Variants in GRM3 observed in about 807,000 individuals in gnomAD.
GRM3 encodes the protein metabotropic glutamate receptor 3.
A neutral mutation model predicts 70.5 loss-of-function variants in GRM3; 26 were observed. The ratio of observed to expected loss-of-function variants is 0.37; its 90% confidence interval spans 0.27 to 0.51. GRM3 has a LOEUF of 0.51. Ranked by LOEUF, GRM3 falls within the 20% of genes least tolerant of loss-of-function variation. GRM3 has a pLI of 0.93. For missense variants in GRM3, 859 were observed against 1,123.8 expected (o/e 0.76, Z 3.37); for synonymous variants, 443 against 434.9 (o/e 1.02, Z -0.23).
intron 1 of GRM3, among the ~76,000 whole-genome samples, chr7:86,729,355 TG>T (rs1321252731): frequency 1.3e-5 from 2 of 152,226 alleles, no homozygotes; most frequent in Non-Finnish European, 2.9e-5. Context: ...GAATAGTGTC[TG>T]GTGTATAACG....
chr7:86,739,087 C>T (rs1445623919), intron 1 of GRM3, among the ~76,000 whole-genome samples: 4 of 152,184 alleles, frequency 2.6e-5, no homozygotes, highest in African/African-American at 4.8e-5. Flanking sequence ...AAGCAATTCT[C>T]CTGCCTCAGT....
chr7:86,672,692 T>C (rs1171857624), intron 1 of GRM3, among the ~76,000 whole-genome samples: 1 of 152,142 alleles, frequency 6.6e-6, no homozygotes, highest in Non-Finnish European at 1.5e-5. Context: ...CAGTGGTAGA[T>C]GCAACTAGCT....
At chr7:86,741,192 T>G (rs889755519) in intron 1 of GRM3, among the ~76,000 whole-genome samples, 1 of 152,158 alleles carries the variant, frequency 6.6e-6, no homozygotes, top group Admixed American at 6.6e-5. Flanking sequence ...TGGATGGTAC[T>G]AGGTTCAAGA....
At chr7:86,669,264 T>A (rs186679827) in intron 1 of GRM3, among the ~76,000 whole-genome samples, 24 of 152,266 alleles carry the variant, frequency 1.6e-4, no homozygotes, top group African/African-American at 5.5e-4. Context: ...TGGGGCCCAG[T>A]CATCAGTATT....
chr7:86,771,633 T>C (rs1234450116), intron 2 of GRM3, among the ~76,000 whole-genome samples: 1 of 151,998 alleles, frequency 6.6e-6, no homozygotes, highest in Non-Finnish European at 1.5e-5. Context: ...AAATACAATT[T>C]TAAAATAGTA....
At chr7:86,772,701 G>A (rs1435749168) in intron 2 of GRM3, among the ~76,000 whole-genome samples, 1 of 152,008 alleles carries the variant, frequency 6.6e-6, no homozygotes, top group Non-Finnish European at 1.5e-5. Context: ...TAATGCAAAG[G>A]CAAAGAGAAC....
chr7:86,697,314 T>C (rs1584173596), intron 1 of GRM3, among the ~76,000 whole-genome samples: 1 of 150,236 alleles, frequency 6.7e-6, no homozygotes, highest in Non-Finnish European at 1.5e-5. Flanking sequence ...AAGATACAAA[T>C]ATACATGGTT....
chr7:86,747,861 C>A (rs986093982), intron 1 of GRM3, among the ~76,000 whole-genome samples: 2 of 152,110 alleles, frequency 1.3e-5, no homozygotes, highest in African/African-American at 4.8e-5. Context: ...TTTGAAGCAG[C>A]TTCGGCTCAC....
intron 2 of GRM3, among the ~76,000 whole-genome samples, chr7:86,779,525 G>C (rs2116497080): frequency 6.6e-6 from 1 of 152,260 alleles, no homozygotes; most frequent in East Asian, 1.9e-4. Flanking sequence ...AAATATTATA[G>C]AGCACCTCTA....
intron 3 of GRM3, among the ~76,000 whole-genome samples, chr7:86,808,324 C>T (rs562927704): frequency 9.9e-5 from 15 of 152,034 alleles, no homozygotes; most frequent in Middle Eastern, 3.2e-3. Flanking sequence ...AGAAATTGTA[C>T]CAGCTCCTCT....
At chr7:86,681,643 T>G (rs766329491) in intron 1 of GRM3, among the ~76,000 whole-genome samples, 24 of 152,226 alleles carry the variant, frequency 1.6e-4, no homozygotes, top group Middle Eastern at 3.4e-3. Context: ...CAACTATGCC[T>G]GAGGAAATAG....
intron 1 of GRM3, among the ~76,000 whole-genome samples, chr7:86,732,379 TCAGA>T (rs1795753950): frequency 6.6e-6 from 1 of 152,036 alleles, no homozygotes; most frequent in Non-Finnish European, 1.5e-5. Context: ...AGGAAAAGTC[TCAGA>T]CAGATTAGAG....
chr7:86,678,232 T>C (rs1276905361), intron 1 of GRM3, among the ~76,000 whole-genome samples: 1 of 151,994 alleles, frequency 6.6e-6, no homozygotes. Flanking sequence ...AGTAAATATA[T>C]CTTTCATAAA....
At chr7:86,653,400 A>G (rs1341924141) in intron 1 of GRM3, among the ~76,000 whole-genome samples, 1 of 152,240 alleles carries the variant, frequency 6.6e-6, no homozygotes, top group Non-Finnish European at 1.5e-5. Flanking sequence ...AATTTCTTTT[A>G]CCAAATTACT....
chr7:86,709,427 G>A (rs1046456697), intron 1 of GRM3, among the ~76,000 whole-genome samples: 1 of 151,982 alleles, frequency 6.6e-6, no homozygotes, highest in Non-Finnish European at 1.5e-5. Context: ...AATGGCCCAA[G>A]TAAATTTTAT....
intron 3 of GRM3, among the ~76,000 whole-genome samples, chr7:86,789,111 G>C (rs1238463776): frequency 6.6e-6 from 1 of 152,172 alleles, no homozygotes; most frequent in Non-Finnish European, 1.5e-5. Flanking sequence ...CTACCGTTCA[G>C]TTTGGCTGTG....
chr7:86,777,029 A>C (rs1796909708), intron 2 of GRM3, among the ~76,000 whole-genome samples: 1 of 152,176 alleles, frequency 6.6e-6, no homozygotes, highest in Non-Finnish European at 1.5e-5. Flanking sequence ...GTACCTGCTA[A>C]ATCTGGATGG....
chr7:86,823,199 A>T (rs1463929638), intron 3 of GRM3, among the ~76,000 whole-genome samples: 3 of 152,206 alleles, frequency 2.0e-5, no homozygotes, highest in Admixed American at 1.3e-4. Flanking sequence ...GACATATTTG[A>T]GGTGCTGTTC....
chr7:86,774,867 A>T (rs1796847154), intron 2 of GRM3, among the ~76,000 whole-genome samples: 1 of 152,148 alleles, frequency 6.6e-6, no homozygotes, highest in South Asian at 2.1e-4. Context: ...TTTCTCAATA[A>T]AAAAGTAAAT....
Sources: gnomAD v4.1 joint callset for allele counts (sites outside exome capture counted in the v4.1 genomes callset) on GRCh38, gnomAD v4.1.1 for gene constraint, MANE v1.5 for transcripts, NCBI Gene and HGNC (gene_info 2026-07-23, HGNC 2026-07-21) for gene names.